The following YWHAQ variants were observed in gnomAD, a reference collection of about 807,000 sequenced individuals.
YWHAQ encodes tyrosine 3-monooxygenase/tryptophan 5-monooxygenase activation protein theta.
YWHAQ carries 6 observed loss-of-function variants against 28.3 expected under a neutral mutation model. The ratio of observed to expected loss-of-function variants is 0.21; its 90% confidence interval spans 0.12 to 0.42. The LOEUF is 0.42. YWHAQ is among the 10% of genes least tolerant of loss of function. YWHAQ has a pLI of 1.00. For missense variants in YWHAQ, 201 were observed against 305.6 expected (o/e 0.66, Z 2.55); for synonymous variants, 143 against 119.1 (o/e 1.20, Z -1.31).
rs186611657 is a variant in YWHAQ, at chr2:9,587,538, T to C, written c.583-29A>G. 1,148 of 1,557,132 alleles carry C rather than the reference T, an allele frequency of 7.4e-4. 11 individuals carry two copies. The African/African-American group carries it at 0.014, about 19-fold the overall frequency. Reference sequence around the variant, plus strand: ...ATAAATATTAATATCCATGGTAAAATATGTGCATTGACGAAAACTGGTTAT... The same window carrying C: ...ATAAATATTAATATCCATGGTAAAACATGTGCATTGACGAAAACTGGTTAT... On this transcript the variant is annotated intron_variant, in intron 4 of 5. Transcript: ENST00000238081.
chr2:9,612,999 C>T (rs888898427), intron 2 of YWHAQ, among the ~76,000 whole-genome samples: 1 of 152,158 alleles, frequency 6.6e-6, no homozygotes, highest in Non-Finnish European at 1.5e-5. Flanking sequence ...ATCCTTGCAG[C>T]TCCTCTCTCA....
intron 2 of YWHAQ, among the ~76,000 whole-genome samples, chr2:9,627,123 G>C (rs1201172220): frequency 1.3e-5 from 2 of 152,178 alleles, no homozygotes; most frequent in African/African-American, 4.8e-5. Flanking sequence ...TGCTTCCACG[G>C]TTCAGTAACC....
chr2:9,586,913 G>C (rs1666353766), intron 5 of YWHAQ, among the ~76,000 whole-genome samples: 1 of 152,068 alleles, frequency 6.6e-6, no homozygotes, highest in East Asian at 1.9e-4. Flanking sequence ...TAAGAAGCAG[G>C]GAGAAAAAGA....
At chr2:9,603,797 C>T (rs1483970189) in intron 2 of YWHAQ, among the ~76,000 whole-genome samples, 1 of 151,734 alleles carries the variant, frequency 6.6e-6, no homozygotes, top group Admixed American at 6.6e-5. Flanking sequence ...TGGTGGTGTA[C>T]ACCTGTAATC....
chr2:9,611,559 T>C (rs900340312), intron 2 of YWHAQ, among the ~76,000 whole-genome samples: 1 of 152,182 alleles, frequency 6.6e-6, no homozygotes, highest in Non-Finnish European at 1.5e-5. Context: ...CGCTCCATCT[T>C]TTGGGAAATA....
chr2:9,598,388 C>T (rs1285261868), intron 2 of YWHAQ, among the ~76,000 whole-genome samples: 1 of 152,168 alleles, frequency 6.6e-6, no homozygotes, highest in Non-Finnish European at 1.5e-5. Context: ...AGTTTAAGCC[C>T]ACTGTCCTAG....
chr2:9,630,206 G>GAT lies in YWHAQ; in HGVS notation c.245_246dup (p.Arg83IlefsTer9). 6.2e-7 allele frequency: 1 copy of GAT among 1,613,976 alleles called. No individual in the cohort carries two copies. The highest frequency in any genetic ancestry group is 8.5e-7 in the Non-Finnish European group (1 of 1,180,036). On this transcript the variant is annotated frameshift_variant, in exon 2 of 6. Transcript: ENST00000238081. LOFTEE classifies it high-confidence loss of function. This position sits in a 1 kb window ranked among gnomAD's most constrained non-coding sequence, Gnocchi z 5.6. ...CTCAGCTCGGACTCCACTTTCTCCC[G>GAT]ATAGTCCTTAATCAGCTGCAACTTC...
intron 5 of YWHAQ, 95 bp downstream of exon 5, chr2:9,587,319 G>T (rs779460027): frequency 1.2e-5 from 13 of 1,079,782 alleles, no homozygotes; most frequent in Admixed American, 2.5e-5. Flanking sequence ...CTTTCAGCTC[G>T]TATGTATCTT....
In YWHAQ at chr2:9,630,551, CGGCGA is replaced by C. The variant is rs997814161; in HGVS notation, c.-82-22_-82-18del. ...CCTCGAGAGCTGCGGAGGGGCGGGG[CGGCGA>C]GGCGAGAACAAAAAGCAGAGAGGGA... On this transcript the variant is annotated intron_variant, in intron 1 of 5. Coordinates refer to ENST00000238081, the MANE Select transcript of YWHAQ (RefSeq NM_006826.4). This position sits in a 1 kb window ranked among gnomAD's most constrained non-coding sequence, Gnocchi z 5.6. The C allele has an allele frequency of 2.9e-5, 36 of 1,235,114 alleles. No homozygotes were observed. The African/African-American group carries it at 3.5e-4, about 12-fold the overall frequency. The allele number at this position is 1,235,114 out of a possible 1,614,324, so 76.5% of individuals were successfully genotyped here.
Position 9,630,248 on chromosome 2 carries a change from T to G in YWHAQ, c.205A>C (p.Thr69Pro). 6.2e-7 allele frequency: 1 copy of G among 1,614,130 alleles called. No homozygotes were observed. Among genetic ancestry groups the G allele is most frequent in the Non-Finnish European group, 8.5e-7 (1 of 1,180,036 alleles). Residue 69 changes from threonine to proline, a missense_variant, in exon 2 of 6, where the codon ACC (threonine) becomes CCC (proline). Thr to Pro is a conservative substitution (Grantham distance 38, BLOSUM62 -1). Coordinates refer to ENST00000238081, the MANE Select transcript of YWHAQ (RefSeq NM_006826.4). This position sits in a 1 kb window ranked among gnomAD's most constrained non-coding sequence, Gnocchi z 5.6. ...TGCAACTTCTTGTCGGAGGTGTCGG[T>G]CTTCTGCTCGATGCTAGAGATGACC... is the stretch of plus-strand genomic sequence containing the variant. ...WRVISSIEQKTDTSDKKLQLI... is the reference protein window; with the variant it reads ...WRVISSIEQKPDTSDKKLQLI...
At chr2:9,602,854 AAAAAAAAAATATATATATATATAT>A (rs1204538987) in intron 2 of YWHAQ, among the ~76,000 whole-genome samples, 1 of 14,044 alleles carries the variant, frequency 7.1e-5, no homozygotes, top group African/African-American at 2.7e-4. Context: ...AAAAAAAAAA[AAAAAAAAAATATATATATATATAT>A]ATATATATAT....
In YWHAQ at chr2:9,597,591, G is replaced by A. The variant is rs375895870; in HGVS notation, c.295-6076C>T. Among the ~76,000 whole-genome samples, 9 of 131,294 alleles carry A rather than the reference G, an allele frequency of 6.9e-5. No individual in the cohort carries two copies. In the East Asian group the frequency reaches 1.4e-3, roughly 20 times the overall value. The allele number at this position is 131,294 out of a possible 152,430, so 86.1% of individuals were successfully genotyped here. A position where few individuals can be genotyped will look rare whatever the true frequency, so the allele number is the denominator to read the frequency against. On this transcript the variant is annotated intron_variant, in intron 2 of 5. Transcript: ENST00000238081. Reference sequence around the variant, plus strand: ...AAACTGAAAGGCAGAGGGTTGCAGTGAGACAAGATCACCTGCCTGGGCAAA... The same window carrying A: ...AAACTGAAAGGCAGAGGGTTGCAGTAAGACAAGATCACCTGCCTGGGCAAA...
At chr2:9,628,362 G>T (rs1036116167) in intron 2 of YWHAQ, among the ~76,000 whole-genome samples, 1 of 152,048 alleles carries the variant, frequency 6.6e-6, no homozygotes, top group Non-Finnish European at 1.5e-5. Flanking sequence ...ATAACACCTG[G>T]TCTCTCTCTC....
intron 2 of YWHAQ, 45 bp from the exon 3 acceptor site, chr2:9,591,560 C>G (rs780753322): frequency 6.4e-7 from 1 of 1,573,996 alleles, no homozygotes; most frequent in African/African-American, 1.4e-5. Flanking sequence ...CTTCTGCCTA[C>G]TGTGCATTAT....
At chr2:9,629,815 A>C (rs1418305448) in intron 2 of YWHAQ, among the ~76,000 whole-genome samples, 2 of 152,168 alleles carry the variant, frequency 1.3e-5, no homozygotes, top group Non-Finnish European at 2.9e-5. Flanking sequence ...GAACCGACTG[A>C]ATACATTTAA....
intron 2 of YWHAQ, among the ~76,000 whole-genome samples, chr2:9,629,870 TAAA>T (rs1320344008): frequency 6.6e-6 from 1 of 152,102 alleles, no homozygotes; most frequent in Non-Finnish European, 1.5e-5. Context: ...ACAAGAAACT[TAAA>T]AACGCCTTTC....
chr2:9,614,419 T>C (rs1049361784), intron 2 of YWHAQ, among the ~76,000 whole-genome samples: 1 of 152,166 alleles, frequency 6.6e-6, no homozygotes, highest in Non-Finnish European at 1.5e-5. Flanking sequence ...AAGGCATCTG[T>C]TTTTTAGCCA....
At chr2:9,589,294 T>C (rs1465451695) in intron 3 of YWHAQ, among the ~76,000 whole-genome samples, 1 of 152,190 alleles carries the variant, frequency 6.6e-6, no homozygotes, top group Non-Finnish European at 1.5e-5. Flanking sequence ...TAAAAATAAT[T>C]TGACTGGAAT....
At chr2:9,607,647 G>C (rs1248214977) in intron 2 of YWHAQ, among the ~76,000 whole-genome samples, 37 of 151,274 alleles carry the variant, frequency 2.4e-4, no homozygotes, top group Non-Finnish European at 1.5e-4. Context: ...GTCTGAATTT[G>C]TGTTTATTGT....
Sources: allele counts gnomAD v4.1 joint callset (sites outside exome capture counted in the v4.1 genomes callset), GRCh38; gene constraint gnomAD v4.1.1; non-coding constraint Gnocchi (gnomAD v3.1); transcripts MANE v1.5; gene names NCBI Gene and HGNC (gene_info 2026-07-23, HGNC 2026-07-21).